The following NEGR1 variants were observed in gnomAD, a reference collection of about 807,000 sequenced individuals.
NEGR1 encodes IgLON family member 4.
In NEGR1, 10 loss-of-function variants were observed where a neutral mutation model predicts 40.9. The observed-to-expected ratio is 0.24, with a 90% CI of 0.15 to 0.42. The LOEUF is 0.42. NEGR1 is among the 10% of genes least tolerant of loss of function. The probability of loss-of-function intolerance (pLI) is 1.00; values close to 1 mark genes in which losing one functional copy is unlikely to be tolerated. For missense variants in NEGR1, 352 were observed against 438.9 expected, an observed-to-expected ratio of 0.80 and a Z score of 1.77; for synonymous variants, 185 against 166.8, an observed-to-expected ratio of 1.11 and a Z score of -0.84.
At chr1:72,089,411 T>C (rs1381036777) in intron 1 of NEGR1, among the ~76,000 whole-genome samples, 1 of 152,188 alleles carries the variant, frequency 6.6e-6, no homozygotes, top group East Asian at 1.9e-4. Context: ...AATTTTTAGC[T>C]AATAATTTTT....
intron 6 of NEGR1, among the ~76,000 whole-genome samples, chr1:71,532,904 A>G (rs1441233593): frequency 6.6e-6 from 1 of 151,642 alleles, no homozygotes; most frequent in Admixed American, 6.6e-5. Context: ...AGGTTCAATA[A>G]TTTCTACAAA....
At chr1:72,180,029 A>G (rs1164514106) in intron 1 of NEGR1, among the ~76,000 whole-genome samples, 4 of 152,078 alleles carry the variant, frequency 2.6e-5, no homozygotes, top group African/African-American at 9.7e-5. Context: ...ATAGAAAAAA[A>G]TCCTAAAATT....
chr1:72,067,519 A>C (rs1359876732), intron 1 of NEGR1, among the ~76,000 whole-genome samples: 2 of 152,136 alleles, frequency 1.3e-5, no homozygotes, highest in African/African-American at 4.8e-5. Context: ...CAATTTATAA[A>C]ACTTTGAAGA....
chr1:72,127,742 T>C (rs1170178335), intron 1 of NEGR1, among the ~76,000 whole-genome samples: 1 of 152,084 alleles, frequency 6.6e-6, no homozygotes, highest in African/African-American at 2.4e-5. Flanking sequence ...GGAAGACACA[T>C]AGTTCATCAC....
chr1:71,462,273 G>A (rs1364975641), intron 6 of NEGR1, among the ~76,000 whole-genome samples: 1 of 152,114 alleles, frequency 6.6e-6, no homozygotes, highest in Non-Finnish European at 1.5e-5. Context: ...TCTCTGTCAG[G>A]ATAGAGCAAC....
intron 4 of NEGR1, among the ~76,000 whole-genome samples, chr1:71,670,087 T>C (rs914194635): frequency 6.6e-6 from 1 of 152,186 alleles, no homozygotes; most frequent in Non-Finnish European, 1.5e-5. Context: ...TTTGTGATTA[T>C]TTTTCTTCTG....
At chr1:72,218,893 G>T (rs1051605350) in intron 1 of NEGR1, among the ~76,000 whole-genome samples, 4 of 151,984 alleles carry the variant, frequency 2.6e-5, no homozygotes, top group African/African-American at 9.7e-5. Context: ...AAAAGAAAAG[G>T]TTGCTGTTTG....
intron 1 of NEGR1, among the ~76,000 whole-genome samples, chr1:71,939,755 A>G (rs1162304825): frequency 6.6e-6 from 1 of 151,964 alleles, no homozygotes; most frequent in African/African-American, 2.4e-5. Context: ...GAAATAAGAA[A>G]GAACTACAAC....
intron 1 of NEGR1, among the ~76,000 whole-genome samples, chr1:72,024,982 G>A (rs1277710614): frequency 6.6e-6 from 1 of 152,142 alleles, no homozygotes; most frequent in Non-Finnish European, 1.5e-5. Flanking sequence ...CAATCAGATT[G>A]TGCAAATGTA....
intron 2 of NEGR1, among the ~76,000 whole-genome samples, chr1:71,885,012 T>C (rs184233674): frequency 4.6e-5 from 7 of 152,340 alleles, no homozygotes; most frequent in Admixed American, 4.6e-4. Context: ...TGAATCCTTC[T>C]GCTTTGACCA....
At chr1:71,684,644 C>T (rs957238617) in intron 4 of NEGR1, among the ~76,000 whole-genome samples, 11 of 152,182 alleles carry the variant, frequency 7.2e-5, no homozygotes, top group African/African-American at 2.7e-4. Context: ...TCTCCCTGCC[C>T]TGTGTGGCCA....
intron 1 of NEGR1, among the ~76,000 whole-genome samples, chr1:72,097,348 A>G (rs1168340568): frequency 1.3e-5 from 2 of 152,298 alleles, no homozygotes; most frequent in Non-Finnish European, 2.9e-5. Flanking sequence ...ATACACACAT[A>G]AAGTATTAAC....
At chr1:72,266,691 C>T in intron 1 of NEGR1, among the ~76,000 whole-genome samples, 1 of 142,216 alleles carries the variant, frequency 7.0e-6, no homozygotes, top group East Asian at 2.1e-4. Flanking sequence ...AAAAAATGTA[C>T]CAAGTGTGTG....
intron 6 of NEGR1, among the ~76,000 whole-genome samples, chr1:71,440,703 T>A (rs1488330376): frequency 6.6e-6 from 1 of 152,202 alleles, no homozygotes; most frequent in Non-Finnish European, 1.5e-5. Context: ...AATCAAAATT[T>A]GCATTTTACC....
chr1:71,571,769 CAG>C (rs1164029340), intron 6 of NEGR1, among the ~76,000 whole-genome samples: 2 of 110,582 alleles, frequency 1.8e-5, no homozygotes, highest in African/African-American at 7.3e-5. Context: ...GCCTGGGTGA[CAG>C]AGGGAGCCCC....
At chr1:71,460,704 G>A (rs1045157460) in intron 6 of NEGR1, among the ~76,000 whole-genome samples, 7 of 152,154 alleles carry the variant, frequency 4.6e-5, no homozygotes, top group African/African-American at 1.7e-4. Context: ...TTTAGATGGT[G>A]TGATAAAGCA....
intron 2 of NEGR1, among the ~76,000 whole-genome samples, chr1:71,805,894 C>T (rs2101754425): frequency 6.6e-6 from 1 of 152,180 alleles, no homozygotes; most frequent in African/African-American, 2.4e-5. Flanking sequence ...TGCTTAAGTT[C>T]TCATTATCCA....
intron 3 of NEGR1, among the ~76,000 whole-genome samples, chr1:71,734,714 C>G (rs576205389): frequency 2.0e-5 from 3 of 152,228 alleles, no homozygotes; most frequent in East Asian, 1.9e-4. Flanking sequence ...CCTTTCTACT[C>G]CTATAATCTG....
intron 1 of NEGR1, among the ~76,000 whole-genome samples, chr1:72,032,029 C>A (rs934223235): frequency 2.0e-5 from 3 of 152,064 alleles, no homozygotes; most frequent in African/African-American, 7.2e-5. Context: ...AGTCGCTTAC[C>A]CAAACTCACA....
Sources: allele counts gnomAD v4.1 joint callset (sites outside exome capture counted in the v4.1 genomes callset), GRCh38; gene constraint gnomAD v4.1.1; transcripts MANE v1.5; gene names NCBI Gene and HGNC (gene_info 2026-07-23, HGNC 2026-07-21).